Variants in SETX observed in about 807,000 individuals in gnomAD.
SETX encodes the protein helicase senataxin.
Under a neutral mutation model 227.2 loss-of-function variants are expected in SETX, and 90 were observed. The ratio of observed to expected loss-of-function variants is 0.40; its 90% CI spans 0.33 to 0.47. SETX has a LOEUF of 0.47. SETX is among the 20% of genes least tolerant of loss of function. The pLI, the probability that SETX is intolerant of heterozygous loss-of-function variation, is 0.91. For missense variants in SETX, 3,052 were observed against 3,181.5 expected (o/e 0.96, Z 0.98); for synonymous variants, 1,210 against 1,113.2 (o/e 1.09, Z -1.73).
chr9:132,342,463 C>G (rs149663490), intron 5 of SETX, among the ~76,000 whole-genome samples: 18 of 152,268 alleles, frequency 1.2e-4, no homozygotes, highest in African/African-American at 4.1e-4. Context: ...AAGTTATTCC[C>G]GTTTGTCTTT....
In SETX at chr9:132,264,311, C is replaced by T; in HGVS notation, c.7962G>A (p.Arg2654=). The T allele has an allele frequency of 6.2e-7, 1 of 1,614,234 alleles. No individual in the cohort carries two copies. Among genetic ancestry groups the T allele is most frequent in the Middle Eastern group, 1.6e-4 (1 of 6,062 alleles). ...TCCTCTTGTCCCACCTAGAGTTCCT[C>T]CTGGTGTGATGGGTCTCGGAACCAC... ...EKCGSETHHT[R]RNSRWDKRTL... The change falls in exon 26 of 26, where the codon AGG becomes AGA. Residue 2654 remains arginine, a synonymous_variant. Transcript: ENST00000224140.
chr9:132,294,333 A>G (rs1844534877), intron 15 of SETX, among the ~76,000 whole-genome samples: 1 of 152,244 alleles, frequency 6.6e-6, no homozygotes, highest in African/African-American at 2.4e-5. Flanking sequence ...AAGTTTTGTA[A>G]TGCTCAAGTT....
intron 7 of SETX, among the ~76,000 whole-genome samples, chr9:132,333,098 G>C (rs1392538057): frequency 6.6e-6 from 1 of 151,344 alleles, no homozygotes; most frequent in African/African-American, 2.4e-5. Context: ...TATGCCAAAG[G>C]CCGGGCGTGG....
intron 10 of SETX, among the ~76,000 whole-genome samples, chr9:132,322,790 G>C (rs1222934325): frequency 6.6e-6 from 1 of 151,854 alleles, no homozygotes; most frequent in Non-Finnish European, 1.5e-5. Context: ...AAACCAACTG[G>C]GGAAACACGA....
intron 7 of SETX, among the ~76,000 whole-genome samples, chr9:132,332,416 C>T (rs1847295556): frequency 6.6e-6 from 1 of 152,234 alleles, no homozygotes; most frequent in Admixed American, 6.5e-5. Context: ...TGCTTGAATT[C>T]ACGCAGTCAC....
In SETX at chr9:132,327,278, G is replaced by C. The variant is rs764444448; in HGVS notation, c.4320C>G (p.Asn1440Lys). 1.2e-6 allele frequency: 2 copies of C among 1,614,124 alleles called. No individual in the cohort carries two copies. The highest frequency in any genetic ancestry group is 1.7e-6 in the Non-Finnish European group (2 of 1,180,016). Reference protein sequence around the residue: ...SPATDDACPLNQCDSVVLNGT... With the variant: ...SPATDDACPLKQCDSVVLNGT... ...CATTTAACACTACAGAATCACACTG[G>C]TTCAAAGGGCAAGCATCATCAGTTG... Residue 1440 changes from asparagine (N) to lysine (K), a missense_variant, in exon 10 of 26, where the codon AAC (asparagine) becomes AAG (lysine). By Grantham distance (94) the Asn-to-Lys change is moderately conservative (BLOSUM62 0). This residue lies in a region of SETX where 1,483 missense variants were observed against 1,312.0 expected (regional missense o/e 1.13). Transcript: ENST00000224140.
intron 15 of SETX, among the ~76,000 whole-genome samples, chr9:132,290,395 TG>T (rs1249589911): frequency 6.6e-6 from 1 of 150,916 alleles, no homozygotes; most frequent in African/African-American, 2.4e-5. Flanking sequence ...GCCAACATGG[TG>T]AAACGCCATC....
In SETX at chr9:132,329,474, A is replaced by T; in HGVS notation, c.2124T>A (p.Ser708Arg). Residue 708 changes from serine to arginine, a missense_variant, in exon 10 of 26, where the codon AGT becomes AGA. This residue lies in a region of SETX where 1,483 missense variants were observed against 1,312.0 expected (regional missense o/e 1.13). Transcript: ENST00000224140. ...CTTTTACAGACTTCTGCTTCCTTGT[A>T]CTTATTTTAATTTGATCTTCAGCTC... is the stretch of plus-strand genomic sequence containing the variant. ...TERAEDQIKI[S>R]TRKQKSVKEI... 6.2e-7 allele frequency: 1 copy of T among 1,612,480 alleles called. No individual in the cohort carries two copies. Among genetic ancestry groups the T allele is most frequent in the Non-Finnish European group, 8.5e-7 (1 of 1,179,854 alleles).
Position 132,328,952 on chromosome 9 carries a change from G to A in SETX, c.2646C>T (p.Asn882=), listed in dbSNP as rs1250174660. ...CATGAAATTCCTGTATTTTACAATT[G>A]TTTTCATGGAAAGAGAAAATAACTA... The part of the protein sequence containing the change: ...EELVIFSFHE[N]NCKIQEFHVD... The change falls in exon 10 of 26, where the codon AAC becomes AAT. Residue 882 remains asparagine, a synonymous_variant. Coordinates refer to ENST00000224140, the MANE Select transcript of SETX (RefSeq NM_015046.7). 1 of 1,610,474 alleles carries A rather than the reference G, an allele frequency of 6.2e-7. No individual in the cohort carries two copies. The highest frequency in any genetic ancestry group is 1.3e-5 in the African/African-American group (1 of 74,836).
At chr9:132,321,426 G>A (rs1846320381) in intron 10 of SETX, among the ~76,000 whole-genome samples, 1 of 152,110 alleles carries the variant, frequency 6.6e-6, no homozygotes, top group South Asian at 2.1e-4. Context: ...GAAGGCCGAG[G>A]TGGGTGGATC....
intron 20 of SETX, among the ~76,000 whole-genome samples, chr9:132,280,008 A>T (rs561596393): frequency 6.6e-6 from 1 of 152,346 alleles, no homozygotes; most frequent in African/African-American, 2.4e-5. Flanking sequence ...CCTAGAATAC[A>T]AACACCATAA....
chr9:132,263,971 CCTT>C lies in SETX; in HGVS notation c.*265_*267del. On this transcript the variant is annotated 3_prime_UTR_variant, in exon 26 of 26. Transcript: ENST00000224140. ...TACAACATTCACTCCAGTCTGACCT[CCTT>C]GTCTATAGAAGACTAAGAGATCAAC... 2 of 527,276 alleles carry C rather than the reference CCTT, an allele frequency of 3.8e-6. No homozygotes were observed. The highest frequency in any genetic ancestry group is 6.8e-6 in the Non-Finnish European group (2 of 293,652). The allele number at this position is 527,276 out of a possible 1,614,324, so 32.7% of individuals were successfully genotyped here.
Position 132,269,604 on chromosome 9 carries a change from C to CT in SETX, c.7287+10dup. The CT allele has an allele frequency of 1.2e-6, 2 of 1,614,068 alleles. No homozygotes were observed. Among genetic ancestry groups the CT allele is most frequent in the Non-Finnish European group, 1.7e-6 (2 of 1,179,892 alleles). The stretch of plus-strand genomic sequence containing the variant: ...AACAATGGGTAAACTTCTGAGCTCT[C>CT]TGGTACCTACCATCAGGGTCCTCAA... On this transcript the variant is annotated intron_variant, in intron 25 of 25. Transcript: ENST00000224140.
chr9:132,349,328 T>A lies in SETX; in HGVS notation c.101A>T (p.Asp34Val). 6.2e-7 allele frequency: 1 copy of A among 1,614,142 alleles called. No homozygotes were observed. The highest frequency in any genetic ancestry group is 1.1e-5 in the South Asian group (1 of 91,086). ...NTPSGEFQTA[D>V]EDLCYCLECV... Reference sequence around the variant, plus strand: ...CTCCAAGCAGTAGCAGAGGTCTTCGTCGGCTGTTTGAAATTCACCGGACGG... The same window carrying A: ...CTCCAAGCAGTAGCAGAGGTCTTCGACGGCTGTTTGAAATTCACCGGACGG... Residue 34 changes from aspartate (D) to valine (V), a missense_variant, in exon 3 of 26, where the codon GAC becomes GTC. Transcript: ENST00000224140.
rs1422277504 is a variant in SETX, at chr9:132,331,295, A to G, written c.992T>C (p.Ile331Thr). ...NASYNREIRH[I>T]RNSSVRTKLE... ...AACTAACCTTACAGAGCTGTTCCGT[A>G]TATGTCGGATCTCTCTATTGTAGCT... Residue 331 changes from isoleucine (I) to threonine (T), a missense_variant, in exon 8 of 26, where the codon ATA (isoleucine) becomes ACA (threonine). Ile to Thr is a moderately conservative substitution (Grantham distance 89, BLOSUM62 -1). Transcript: ENST00000224140. The G allele has an allele frequency of 9.9e-6, 16 of 1,614,002 alleles. No individual in the cohort carries two copies. The highest frequency in any genetic ancestry group is 8.0e-5 in the African/African-American group (6 of 74,908).
intron 13 of SETX, among the ~76,000 whole-genome samples, chr9:132,297,534 T>C (rs1432074979): frequency 6.6e-6 from 1 of 152,230 alleles, no homozygotes. Context: ...GCTAGGCCAC[T>C]ACGCTCCTAA....
In SETX at chr9:132,333,254, C is replaced by A. The variant is rs142480930; in HGVS notation, c.838+1354G>T. ...ATTAGCCAGGTATGGTGGTGCATACCTGTAATCCCAGCTACTTGGGAGGCT... is the reference window on the plus strand; with the variant it reads ...ATTAGCCAGGTATGGTGGTGCATACATGTAATCCCAGCTACTTGGGAGGCT... On this transcript the variant is annotated intron_variant, in intron 7 of 25. Transcript: ENST00000224140. Among the ~76,000 whole-genome samples, 123 of 151,268 alleles carry A rather than the reference C, an allele frequency of 8.1e-4. 1 individual carries two copies. Among genetic ancestry groups the A allele is most frequent in the African/African-American group, 3.0e-3 (123 of 41,226 alleles).
chr9:132,275,183 T>G (rs2131166517), intron 23 of SETX, 73 bp downstream of exon 23: 1 of 1,530,886 alleles, frequency 6.5e-7, no homozygotes, highest in Middle Eastern at 1.7e-4. Flanking sequence ...GAGTTTCCCT[T>G]TTCTTCTTTC....
intron 12 of SETX, among the ~76,000 whole-genome samples, chr9:132,299,193 G>C (rs749487836): frequency 1.3e-5 from 2 of 152,220 alleles, no homozygotes; most frequent in Non-Finnish European, 2.9e-5. Flanking sequence ...TTTTTGGCCT[G>C]AGTAACTGAA....
Sources: gnomAD v4.1 joint callset for allele counts (sites outside exome capture counted in the v4.1 genomes callset) on GRCh38, gnomAD v4.1.1 for gene constraint, gnomAD v4.1.1 regional missense constraint, MANE v1.5 for transcripts, NCBI Gene and HGNC (gene_info 2026-07-23, HGNC 2026-07-21) for gene names.